PLEKHG1: variants seen among roughly 807,000 people sequenced by gnomAD.
The protein encoded by PLEKHG1 is pleckstrin homology domain-containing family G member 1.
PLEKHG1 carries 44 observed loss-of-function variants against 100.8 expected under a neutral mutation model. The ratio of observed to expected loss-of-function variants is 0.44; its 90% CI spans 0.34 to 0.56. The LOEUF (loss-of-function observed/expected upper bound fraction) is 0.56. PLEKHG1 is among the 20% of genes least tolerant of loss of function. PLEKHG1 has a pLI of 0.01. For synonymous variants in PLEKHG1, 640 were observed against 662.5 expected (o/e 0.97, Z 0.52); for missense variants, 1,545 against 1,720.9 (o/e 0.90, Z 1.81).
At chr6:150,793,784 A>T (rs941963062) in intron 4 of PLEKHG1, among the ~76,000 whole-genome samples, 1 of 152,204 alleles carries the variant, frequency 6.6e-6, no homozygotes, top group Non-Finnish European at 1.5e-5. Flanking sequence ...TGGACAGGGC[A>T]TATTAAATGA....
At position 150,671,786 on chromosome 6, in the gene PLEKHG1, G is replaced by A. The variant is rs984971394; in HGVS notation, c.-99+21000G>A. Among the ~76,000 whole-genome samples the A allele has an allele frequency of 2.0e-5, 3 of 152,234 alleles. No homozygotes were observed. In the South Asian group the frequency reaches 6.2e-4, roughly 31 times the overall value. ...ACATGAAGTTGGGACATGAATGAAA[G>A]AGTGAATGAATGGAAAACCAGTGAG... is the stretch of plus-strand genomic sequence containing the variant. On this transcript the variant is annotated intron_variant, in intron 3 of 3. Transcript: ENST00000367326.
chr6:150,715,959 T>G (rs906788426), intron 3 of PLEKHG1, among the ~76,000 whole-genome samples: 6 of 148,276 alleles, frequency 4.0e-5, no homozygotes, highest in Non-Finnish European at 6.0e-5. Flanking sequence ...ATACAAAAAA[T>G]TAGCCGGGCG....
At chr6:150,655,296 G>T (rs889736203) in intron 3 of PLEKHG1, among the ~76,000 whole-genome samples, 1 of 152,130 alleles carries the variant, frequency 6.6e-6, no homozygotes, top group East Asian at 1.9e-4. Context: ...ATACCCAAAG[G>T]ATTATAAATC....
At chr6:150,725,814 C>A (rs752645472) in intron 1 of PLEKHG1, among the ~76,000 whole-genome samples, 1 of 147,456 alleles carries the variant, frequency 6.8e-6, no homozygotes, top group African/African-American at 2.5e-5. Flanking sequence ...ATTTTTAGGT[C>A]TTAATGTATT....
intron 6 of PLEKHG1, among the ~76,000 whole-genome samples, chr6:150,801,743 A>G (rs959421388): frequency 2.0e-5 from 3 of 151,996 alleles, no homozygotes; most frequent in African/African-American, 7.2e-5. Flanking sequence ...CCCGTCCTCA[A>G]ATTCTTATTT....
At chr6:150,838,498 G>A (rs1777348596) in intron 15 of PLEKHG1, among the ~76,000 whole-genome samples, 1 of 152,090 alleles carries the variant, frequency 6.6e-6, no homozygotes, top group East Asian at 1.9e-4. Context: ...ATGTCTTCTG[G>A]GGAAGCCAAA....
chr6:150,704,758 A>G (rs1487753291), intron 3 of PLEKHG1, among the ~76,000 whole-genome samples: 1 of 152,248 alleles, frequency 6.6e-6, no homozygotes, highest in Non-Finnish European at 1.5e-5. Flanking sequence ...GGTGGCTTAA[A>G]TGACAGACAT....
At chr6:150,637,027 C>T (rs1169935801) in intron 1 of PLEKHG1, among the ~76,000 whole-genome samples, 1 of 152,170 alleles carries the variant, frequency 6.6e-6, no homozygotes, top group African/African-American at 2.4e-5. Flanking sequence ...GTCCCATATG[C>T]GGGAACCCCC....
At chr6:150,810,129 T>G (rs1164687314) in intron 10 of PLEKHG1, among the ~76,000 whole-genome samples, 17 of 151,852 alleles carry the variant, frequency 1.1e-4, no homozygotes, top group Non-Finnish European at 1.5e-4. Flanking sequence ...TACCCCCATC[T>G]CTACAAAAAA....
rs182623589 is a variant in PLEKHG1 at position 150,786,369 on chromosome 6, T to C, written c.513-21T>C. 165 of 1,549,546 alleles carry C rather than the reference T, an allele frequency of 1.1e-4. No individual in the cohort carries two copies. In the African/African-American group the frequency reaches 2.1e-3, roughly 20 times the overall value. Reference sequence around the variant, plus strand: ...CAGAAGACTACAATCTAATACTTCCTGGCTGTTATTTTTTTATTAGTGAAC... The same window carrying C: ...CAGAAGACTACAATCTAATACTTCCCGGCTGTTATTTTTTTATTAGTGAAC... On this transcript the variant is annotated intron_variant, in intron 3 of 15. Transcript: ENST00000358517.
At chr6:150,612,301 A>T (rs1303828371) in intron 1 of PLEKHG1, among the ~76,000 whole-genome samples, 2 of 151,966 alleles carry the variant, frequency 1.3e-5, no homozygotes, top group Non-Finnish European at 2.9e-5. Flanking sequence ...CTGACATTGA[A>T]TGTGTGTTTT....
At chr6:150,652,590 C>T (rs1309359676) in intron 3 of PLEKHG1, among the ~76,000 whole-genome samples, 2 of 151,916 alleles carry the variant, frequency 1.3e-5, no homozygotes, top group African/African-American at 2.4e-5. Context: ...CGTGGTGGCT[C>T]ATGCCTGTAA....
intron 1 of PLEKHG1, among the ~76,000 whole-genome samples, chr6:150,724,558 C>A (rs796666359): frequency 4.0e-5 from 4 of 100,472 alleles, no homozygotes; most frequent in African/African-American, 1.5e-4. Context: ...TTTTCTTTTT[C>A]TTTTTTTTTT....
At chr6:150,696,766 C>T (rs985198134) in intron 3 of PLEKHG1, among the ~76,000 whole-genome samples, 21 of 152,030 alleles carry the variant, frequency 1.4e-4, no homozygotes, top group South Asian at 4.2e-4. Context: ...AAAGTATTCC[C>T]GTGTGCATGA....
chr6:150,689,680 TG>T (rs1371031107), intron 3 of PLEKHG1, among the ~76,000 whole-genome samples: 1 of 151,908 alleles, frequency 6.6e-6, no homozygotes, highest in Non-Finnish European at 1.5e-5. Flanking sequence ...CTGACCAACA[TG>T]GTGGTCTCTA....
intron 1 of PLEKHG1, among the ~76,000 whole-genome samples, chr6:150,614,747 C>T (rs1057416027): frequency 6.6e-6 from 1 of 152,194 alleles, no homozygotes; most frequent in Non-Finnish European, 1.5e-5. Flanking sequence ...TTCATTTTTG[C>T]TGTGGTCTCC....
At chr6:150,716,065 G>A (rs1480500197) in intron 3 of PLEKHG1, among the ~76,000 whole-genome samples, 5 of 146,700 alleles carry the variant, frequency 3.4e-5, no homozygotes, top group African/African-American at 5.1e-5. Context: ...CCGAGATCGC[G>A]CCACTGCACT....
At chr6:150,808,466 G>T (rs555452329) in intron 7 of PLEKHG1, among the ~76,000 whole-genome samples, 1 of 152,120 alleles carries the variant, frequency 6.6e-6, no homozygotes, top group African/African-American at 2.4e-5. Flanking sequence ...ATCAAGGGAA[G>T]GGGCCGGGTG....
At chr6:150,821,028 A>G (rs139069002) in intron 12 of PLEKHG1, among the ~76,000 whole-genome samples, 167 bp from the exon 14 acceptor site, 1 of 152,338 alleles carries the variant, frequency 6.6e-6, no homozygotes, top group Non-Finnish European at 1.5e-5. Context: ...AGCAGAGTGA[A>G]TGTCTTGCTC....
Sources: gnomAD v4.1 joint callset for allele counts (sites outside exome capture counted in the v4.1 genomes callset) on GRCh38, gnomAD v4.1.1 for gene constraint, MANE v1.5 for transcripts, NCBI Gene and HGNC (gene_info 2026-07-23, HGNC 2026-07-21) for gene names.